SLIT1: variants seen among roughly 807,000 people sequenced by gnomAD.
SLIT1 encodes the protein slit guidance ligand 1.
A neutral mutation model predicts 186.1 loss-of-function variants in SLIT1; 66 were observed. The observed-to-expected ratio is 0.35, with a 90% CI of 0.29 to 0.44. The LOEUF (loss-of-function observed/expected upper bound fraction) is 0.44, where lower values mean the gene tolerates loss of function less well. Among genes scored for constraint, SLIT1 ranks in the 20% least tolerant of loss-of-function variants. SLIT1 has a pLI of 1.00. For synonymous variants in SLIT1, 761 were observed against 833.8 expected (o/e 0.91, Z 1.50); for missense variants, 1,638 against 2,037.4 (o/e 0.80, Z 3.77).
At position 97,043,974 on chromosome 10, in the gene SLIT1, G is replaced by A. The variant is rs573040194; in HGVS notation, c.1854-461C>T. Among the ~76,000 whole-genome samples the A allele has an allele frequency of 1.3e-5, 2 of 152,022 alleles. No homozygotes were observed. The highest frequency in any genetic ancestry group is 1.9e-4 in the East Asian group (1 of 5,170). ...CCTGAGACCATGTCTACCCAGACCC[G>A]GACCATCTCAGCCCTGGCACCTGCC... On this transcript the variant is annotated intron_variant, in intron 18 of 36. Transcript: ENST00000266058. This position sits in a 1 kb window ranked among gnomAD's most constrained non-coding sequence, Gnocchi z 7.0.
intron 29 of SLIT1, 30 bp downstream of exon 29, chr10:97,013,989 C>T (rs370218175): frequency 3.9e-5 from 62 of 1,609,542 alleles, no homozygotes; most frequent in Non-Finnish European, 5.1e-5. Flanking sequence ...TCCCCACCTC[C>T]CCCAGACACT....
chr10:97,082,593 C>T (rs1380429999), intron 4 of SLIT1, among the ~76,000 whole-genome samples: 1 of 152,146 alleles, frequency 6.6e-6, no homozygotes, highest in Non-Finnish European at 1.5e-5. Context: ...CGCCACCATG[C>T]CCAGCTAATT....
At chr10:97,123,205 G>T (rs1358768374) in intron 4 of SLIT1, among the ~76,000 whole-genome samples, 1 of 152,182 alleles carries the variant, frequency 6.6e-6, no homozygotes, top group Non-Finnish European at 1.5e-5. Context: ...TGAAGTCAAT[G>T]CCCGGCCTTC....
intron 4 of SLIT1, among the ~76,000 whole-genome samples, chr10:97,092,426 T>A (rs940825932): frequency 2.4e-4 from 36 of 152,198 alleles, no homozygotes; most frequent in Non-Finnish European, 4.7e-4. Flanking sequence ...ACAATGTGAT[T>A]CAAAAGTCAG....
At position 97,014,121 on chromosome 10, in the gene SLIT1, C is replaced by A. The variant is rs1341336936; in HGVS notation, c.3007G>T (p.Gly1003Trp). ...CPTGFEGPTC[G>W]VNTDDCVDHA... is the part of the protein sequence containing the mutation. ...TCCACACAGTCATCTGTGTTCACCC[C>A]ACAGGTTGGTCCTTCAAAGCCGGTG... is the stretch of plus-strand genomic sequence containing the variant. The change falls in exon 29 of 37, where the codon GGG becomes TGG. Residue 1003 changes from glycine to tryptophan, a missense_variant. This residue lies in a region of SLIT1 where 1,245 missense variants were observed against 1,535.3 expected (regional missense o/e 0.81). Coordinates refer to ENST00000266058, the MANE Select transcript of SLIT1 (RefSeq NM_003061.3). The A allele has an allele frequency of 6.2e-7, 1 of 1,614,086 alleles. No individual in the cohort carries two copies. The highest frequency in any genetic ancestry group is 1.1e-5 in the South Asian group (1 of 91,088).
At chr10:97,091,488 T>C (rs1849231322) in intron 4 of SLIT1, among the ~76,000 whole-genome samples, 1 of 152,218 alleles carries the variant, frequency 6.6e-6, no homozygotes, top group African/African-American at 2.4e-5. Context: ...TTAACCAATT[T>C]TGTATTGAAC....
At position 97,047,737 on chromosome 10, in the gene SLIT1, C is replaced by G; in HGVS notation, c.1587G>C (p.Leu529=). 6.2e-7 allele frequency: 1 copy of G among 1,614,082 alleles called. No homozygotes were observed. The highest frequency in any genetic ancestry group is 1.1e-5 in the South Asian group (1 of 91,090). Residue 529 remains leucine (L), a synonymous_variant, in exon 16 of 37, where the codon CTG becomes CTC. Coordinates refer to ENST00000266058, the MANE Select transcript of SLIT1 (RefSeq NM_003061.3). ...TGCGCTCAGGGATCTTGGTGAGCTT[C>G]AGGCTGGAGCACTCCACCACGTTGG... ...CEANVVECSS[L]KLTKIPERIP... is the part of the protein sequence containing the mutation.
Position 97,185,818 on chromosome 10 carries a change from G to T in SLIT1, c.-144C>A. Reference sequence around the variant, plus strand: ...GCGCGGCGCCCCTGCGGGCTGGGAGGCACCTTGCTCCTCCAAGCGACGGCG... The same window carrying T: ...GCGCGGCGCCCCTGCGGGCTGGGAGTCACCTTGCTCCTCCAAGCGACGGCG... On this transcript the variant is annotated 5_prime_UTR_variant, in exon 1 of 37. Transcript: ENST00000266058. The T allele has an allele frequency of 1.5e-6, 1 of 684,774 alleles. No homozygotes were observed. Among genetic ancestry groups the T allele is most frequent in the Non-Finnish European group, 2.2e-6 (1 of 453,388 alleles). 42.4% of individuals were successfully genotyped at this position (684,774 alleles called of 1,614,324 possible). A position where few individuals can be genotyped will look rare whatever the true frequency, so the allele number is the denominator to read the frequency against.
At chr10:97,018,950 C>CCCT (rs1221582472) in intron 27 of SLIT1, 33 bp downstream of exon 27, 4 of 1,363,010 alleles carry the variant, frequency 2.9e-6, no homozygotes, top group Non-Finnish European at 4.2e-6. Context: ...ACACGAAGAG[C>CCCT]CCTCCTCCTC....
intron 1 of SLIT1, among the ~76,000 whole-genome samples, chr10:97,166,924 T>C (rs1196309123): frequency 6.6e-6 from 1 of 152,150 alleles, no homozygotes; most frequent in Non-Finnish European, 1.5e-5. Context: ...CCCGTGGCCA[T>C]CTGACCCGCG....
chr10:97,064,704 CCCTT>C, intron 6 of SLIT1, 97 bp downstream of exon 6: 1 of 807,930 alleles, frequency 1.2e-6, no homozygotes, highest in Admixed American at 2.4e-5. Context: ...GCAGGTCTCT[CCCTT>C]CCTGTCTCCC....
chr10:97,015,891 A>G (rs956278584), intron 28 of SLIT1, among the ~76,000 whole-genome samples: 1 of 152,216 alleles, frequency 6.6e-6, no homozygotes. Context: ...GCATAAAAAT[A>G]TATTTGGTTA....
intron 13 of SLIT1, among the ~76,000 whole-genome samples, chr10:97,054,709 A>G (rs1848821785): frequency 6.6e-6 from 1 of 152,210 alleles, no homozygotes; most frequent in Admixed American, 6.5e-5. Flanking sequence ...AGACAGAGGA[A>G]CATGTGAAAC....
chr10:97,028,380 C>T (rs1268305249), intron 25 of SLIT1, among the ~76,000 whole-genome samples: 1 of 152,040 alleles, frequency 6.6e-6, no homozygotes, highest in Non-Finnish European at 1.5e-5. Context: ...AGTGCAAACT[C>T]CCTAGCAGGC....
chr10:97,058,141 T>G (rs1848858671), intron 11 of SLIT1: 2 of 693,180 alleles, frequency 2.9e-6, no homozygotes, highest in Non-Finnish European at 5.4e-6. Flanking sequence ...AGTAACTTGG[T>G]CTTTACCCAG....
chr10:97,054,960 G>A (rs1848823385), intron 13 of SLIT1, among the ~76,000 whole-genome samples: 1 of 152,216 alleles, frequency 6.6e-6, no homozygotes, highest in Non-Finnish European at 1.5e-5. Context: ...GCTAACATCT[G>A]TAATCCCAGC....
intron 4 of SLIT1, among the ~76,000 whole-genome samples, chr10:97,155,869 G>C (rs979060804): frequency 1.3e-5 from 2 of 152,238 alleles, no homozygotes; most frequent in Non-Finnish European, 2.9e-5. Context: ...CAAGTCAGCA[G>C]AGAAAGAACA....
intron 4 of SLIT1, among the ~76,000 whole-genome samples, chr10:97,108,587 C>T (rs976498536): frequency 6.6e-6 from 1 of 152,136 alleles, no homozygotes; most frequent in Non-Finnish European, 1.5e-5. Context: ...ATGGCATCGG[C>T]TGGTGGTTAA....
At chr10:97,065,136 C>G (rs1175622912) in intron 5 of SLIT1, among the ~76,000 whole-genome samples, 1 of 129,906 alleles carries the variant, frequency 7.7e-6, no homozygotes, top group Non-Finnish European at 1.6e-5. Flanking sequence ...AGGCACCCCC[C>G]TACACACACA....
Sources: allele counts gnomAD v4.1 joint callset (sites outside exome capture counted in the v4.1 genomes callset), GRCh38; gene constraint gnomAD v4.1.1; regional missense constraint gnomAD v4.1.1; non-coding constraint Gnocchi (gnomAD v3.1); transcripts MANE v1.5; gene names NCBI Gene and HGNC (gene_info 2026-07-23, HGNC 2026-07-21).